Variants in PYROXD2 observed in about 807,000 individuals in gnomAD.
The protein encoded by PYROXD2 is pyridine nucleotide-disulfide oxidoreductase domain-containing protein 2.
In PYROXD2, 69 loss-of-function variants were observed where a neutral mutation model predicts 71.1. That is an observed-to-expected ratio of 0.97 (90% CI 0.80 to 1.19). PYROXD2 has a LOEUF of 1.19. Among genes scored for constraint, PYROXD2 ranks in the 50% most tolerant of loss-of-function variants. The probability of loss-of-function intolerance (pLI) is 0.00; values close to 1 mark genes in which losing one functional copy is unlikely to be tolerated. For missense variants in PYROXD2, 745 were observed against 748.9 expected (o/e 0.99, Z 0.06); for synonymous variants, 287 against 302.7 (o/e 0.95, Z 0.54).
intron 14 of PYROXD2, among the ~76,000 whole-genome samples, chr10:98,385,529 C>A (rs959390587): frequency 1.3e-5 from 2 of 152,234 alleles, no homozygotes; most frequent in Non-Finnish European, 1.5e-5. Flanking sequence ...GTTCTGCCCC[C>A]CTGGCTTGGG....
chr10:98,387,199 A>AT lies in PYROXD2; in HGVS notation c.1554+1_1554+2insA, dbSNP rs751663355. Reference sequence around the variant, plus strand: ...TGAGAGACCCCCTAGGCTTATACATACCCCTCCAGGAAGCCCGAAGATTCT... The same window carrying AT: ...TGAGAGACCCCCTAGGCTTATACATATCCCCTCCAGGAAGCCCGAAGATTCT... On this transcript the variant is annotated splice_donor_variant, in intron 14 of 15. Coordinates refer to ENST00000370575, the MANE Select transcript of PYROXD2 (RefSeq NM_032709.3). LOFTEE classifies it high-confidence loss of function. 6.2e-7 allele frequency: 1 copy of AT among 1,611,912 alleles called. No homozygotes were observed. Among genetic ancestry groups the AT allele is most frequent in the Non-Finnish European group, 8.5e-7 (1 of 1,178,302 alleles).
Position 98,388,414 on chromosome 10 carries a change from A to C in PYROXD2, c.1387T>G (p.Tyr463Asp). ...VVSLFTQYMP[Y>D]TLAGGKAWDE... ...CAGGCCTTGCCTCCAGCCAGCGTAT[A>C]GGGCATGTACTGAGTGAAGAGGGAG... The change falls in exon 13 of 16, where the codon TAT becomes GAT. Residue 463 changes from tyrosine to aspartate, a missense_variant. Transcript: ENST00000370575. 1 of 1,613,608 alleles carries C rather than the reference A, an allele frequency of 6.2e-7. No homozygotes were observed.
At chr10:98,401,947 A>C (rs1843427551) in intron 4 of PYROXD2, among the ~76,000 whole-genome samples, 1 of 152,282 alleles carries the variant, frequency 6.6e-6, no homozygotes, top group Non-Finnish European at 1.5e-5. Flanking sequence ...ATAAAAGTAT[A>C]GTATAATAAA....
chr10:98,405,790 G>A (rs548948809), intron 4 of PYROXD2, among the ~76,000 whole-genome samples: 84 of 152,354 alleles, frequency 5.5e-4, no homozygotes, highest in African/African-American at 2.0e-3. Flanking sequence ...AGAGGCCTGA[G>A]CGCATCATAG....
At chr10:98,392,277 G>T (rs59410933) in intron 10 of PYROXD2, among the ~76,000 whole-genome samples, 155 bp downstream of exon 10, 1 of 151,974 alleles carries the variant, frequency 6.6e-6, no homozygotes. Flanking sequence ...CTTCTTCCCC[G>T]TTTGCTACCT....
intron 5 of PYROXD2, 68 bp from the exon 6 acceptor site, chr10:98,397,566 C>G: frequency 6.9e-7 from 1 of 1,457,496 alleles, no homozygotes; most frequent in Non-Finnish European, 9.1e-7. Context: ...CCCCAGATGG[C>G]CTGTCACCCC....
At chr10:98,388,046 TG>T in intron 13 of PYROXD2, 1 of 321,810 alleles carries the variant, frequency 3.1e-6, no homozygotes, top group Non-Finnish European at 5.9e-6. Context: ...CTTGTCTCTC[TG>T]GCTCATGCGT....
intron 14 of PYROXD2, 47 bp downstream of exon 14, chr10:98,387,154 G>T: frequency 7.2e-7 from 1 of 1,384,080 alleles, no homozygotes; most frequent in Non-Finnish European, 1.0e-6. Context: ...GGAAGTGAGG[G>T]TGCAGAGGGA....
chr10:98,398,377 G>C (rs1227955600), intron 5 of PYROXD2, among the ~76,000 whole-genome samples: 2 of 152,044 alleles, frequency 1.3e-5, no homozygotes, highest in African/African-American at 4.8e-5. Context: ...CCTTTCCCTG[G>C]AGGGCACAGG....
At chr10:98,412,631 G>T (rs757040667) in intron 1 of PYROXD2, among the ~76,000 whole-genome samples, 1 of 152,220 alleles carries the variant, frequency 6.6e-6, no homozygotes, top group South Asian at 2.1e-4. Flanking sequence ...CCAGGTGCCA[G>T]TGTGCCTTCA....
At position 98,410,950 on chromosome 10, in the gene PYROXD2, C is replaced by T. The variant is rs755430794; in HGVS notation, c.136G>A (p.Gly46Arg). ...DAVVIGAGHN[G>R]LVAAAYLQRL... ...GGGGAGGTACTCACAGCCACCAGTC[C>T]GTTGTGTCCTGCAACAAAACGGGAC... Residue 46 changes from glycine to arginine, a missense_variant, in exon 2 of 16, where the codon GGA becomes AGA. Coordinates refer to ENST00000370575, the MANE Select transcript of PYROXD2 (RefSeq NM_032709.3). The T allele has an allele frequency of 1.5e-5, 23 of 1,563,996 alleles. 1 individual carries two copies. The highest frequency in any genetic ancestry group is 2.4e-5 in the South Asian group (2 of 84,854).
At position 98,390,609 on chromosome 10, in the gene PYROXD2, C is replaced by T; in HGVS notation, c.1281G>A (p.Leu427=). 1.3e-6 allele frequency: 2 copies of T among 1,593,672 alleles called. No individual in the cohort carries two copies. Among genetic ancestry groups the T allele is most frequent in the Non-Finnish European group, 1.7e-6 (2 of 1,169,406 alleles). ...TCCAGGGCCCCTACCTGTGGGAAGG[C>T]AGGCCATCCATGGCATCTTCAAAGG... ...HQAFEDAMDG[L]PSHRPVIELC... Residue 427 remains leucine, a synonymous_variant, in exon 12 of 16, where the codon CTG becomes CTA. Coordinates refer to ENST00000370575, the MANE Select transcript of PYROXD2 (RefSeq NM_032709.3).
intron 4 of PYROXD2, among the ~76,000 whole-genome samples, chr10:98,404,663 G>GGT (rs143963643): frequency 2.6e-5 from 4 of 151,870 alleles, no homozygotes; most frequent in Non-Finnish European, 5.9e-5. Flanking sequence ...TGTTGGAAAG[G>GGT]GTGTGTGTGT....
Position 98,392,534 on chromosome 10 carries a change from GC to G in PYROXD2, c.959del (p.Gly320AlafsTer14), listed in dbSNP as rs781279184. 9.9e-6 allele frequency: 16 copies of G among 1,612,936 alleles called. No individual in the cohort carries two copies. Among genetic ancestry groups the G allele is most frequent in the Non-Finnish European group, 1.4e-5 (16 of 1,180,014 alleles). On this transcript the variant is annotated frameshift_variant, in exon 10 of 16. Transcript: ENST00000370575. LOFTEE classifies it high-confidence loss of function. ...CTTCCAGCACAACTCCTTGAACACA[GC>G]CTTCACTGTTCACCTGCACCTTCGC... is the stretch of plus-strand genomic sequence containing the variant. ...TVAKVQVNSE[G>X]CVQGVVLEDG... is the part of the protein sequence containing the mutation.
chr10:98,407,495 G>T (rs540546848), intron 4 of PYROXD2, 87 bp downstream of exon 4: 16 of 1,535,894 alleles, frequency 1.0e-5, no homozygotes, highest in Middle Eastern at 3.4e-4. Context: ...GCATCACCTC[G>T]GGCACAGAAC....
chr10:98,409,958 A>G (rs1261696752), intron 2 of PYROXD2, among the ~76,000 whole-genome samples: 1 of 152,122 alleles, frequency 6.6e-6, no homozygotes. Context: ...GCTGCCTGCA[A>G]TCCCAGCTAC....
chr10:98,386,803 G>T (rs181040929), intron 14 of PYROXD2, among the ~76,000 whole-genome samples: 1 of 152,254 alleles, frequency 6.6e-6, no homozygotes, highest in South Asian at 2.1e-4. Flanking sequence ...GCAATGAGGC[G>T]ATTGAACCTG....
chr10:98,398,533 T>C (rs960099490), intron 5 of PYROXD2, among the ~76,000 whole-genome samples: 4 of 152,230 alleles, frequency 2.6e-5, no homozygotes, highest in Admixed American at 6.5e-5. Flanking sequence ...TTAAAATACA[T>C]TCGAGAAGTC....
At position 98,383,780 on chromosome 10, in the gene PYROXD2, G is replaced by A; in HGVS notation, c.*18C>T. 2.5e-6 allele frequency: 4 copies of A among 1,610,722 alleles called. No homozygotes were observed. The highest frequency in any genetic ancestry group is 3.4e-6 in the Non-Finnish European group (4 of 1,176,882). On this transcript the variant is annotated 3_prime_UTR_variant, in exon 16 of 16. Coordinates refer to ENST00000370575, the MANE Select transcript of PYROXD2 (RefSeq NM_032709.3). ...TTCAGGGGTGGAGTCTTCTTCCTGGGTCAGAGCTGGTTCAGGGTCACATGC... is the reference window on the plus strand; with the variant it reads ...TTCAGGGGTGGAGTCTTCTTCCTGGATCAGAGCTGGTTCAGGGTCACATGC...
Sources: gnomAD v4.1 joint callset for allele counts (sites outside exome capture counted in the v4.1 genomes callset) on GRCh38, gnomAD v4.1.1 for gene constraint, MANE v1.5 for transcripts, NCBI Gene and HGNC (gene_info 2026-07-23, HGNC 2026-07-21) for gene names.